ZNF385B: variants seen among roughly 807,000 people sequenced by gnomAD.
ZNF385B encodes the protein zinc finger protein 533.
Under a neutral mutation model 39.2 loss-of-function variants are expected in ZNF385B, and 23 were observed. That is an observed-to-expected ratio of 0.59 (90% CI 0.42 to 0.83). The LOEUF (loss-of-function observed/expected upper bound fraction) is 0.83, where lower values mean the gene tolerates loss of function less well. Among genes scored for constraint, ZNF385B ranks in the 40% least tolerant of loss-of-function variants. ZNF385B has a pLI of 0.00. For synonymous variants in ZNF385B, 205 were observed against 222.6 expected (o/e 0.92, Z 0.70); for missense variants, 552 against 598.9 (o/e 0.92, Z 0.82).
chr2:179,683,807 A>G (rs1697719690), intron 3 of ZNF385B, among the ~76,000 whole-genome samples: 1 of 152,090 alleles, frequency 6.6e-6, no homozygotes, highest in South Asian at 2.1e-4. Flanking sequence ...AAACTGCATT[A>G]CTGTTACCAT....
At chr2:179,769,934 A>C in intron 2 of ZNF385B, 132 bp from the exon 3 acceptor site, 1 of 788,340 alleles carries the variant, frequency 1.3e-6, no homozygotes, top group South Asian at 1.9e-5. Flanking sequence ...TACTAGAAAA[A>C]AAATCATCAA....
chr2:179,564,594 C>T (rs187543317), intron 3 of ZNF385B, among the ~76,000 whole-genome samples: 140 of 152,228 alleles, frequency 9.2e-4, no homozygotes, highest in Non-Finnish European at 1.4e-3. Flanking sequence ...GTAGCCTACC[C>T]TTCCTTTATT....
At chr2:179,731,476 A>G (rs2106428944) in intron 3 of ZNF385B, among the ~76,000 whole-genome samples, 1 of 151,936 alleles carries the variant, frequency 6.6e-6, no homozygotes, top group South Asian at 2.1e-4. Flanking sequence ...TCTTTCAAAA[A>G]CTCTCCAGCA....
intron 1 of ZNF385B, among the ~76,000 whole-genome samples, chr2:179,801,394 C>CCCTGTACATCTCCTGTACTT (rs1395780835): frequency 1.3e-5 from 2 of 152,048 alleles, no homozygotes; most frequent in African/African-American, 4.8e-5. Context: ...TAGATGTACT[C>CCCTGTACATCTCCTGTACTT]CCTGTACATC....
At chr2:179,688,767 G>T (rs12693203) in intron 3 of ZNF385B, among the ~76,000 whole-genome samples, 55,832 of 151,906 alleles carry the variant, frequency 0.37, 10,752 homozygotes, top group African/African-American at 0.49. Flanking sequence ...TCTCTTGAAT[G>T]TACTCCTCCT....
At chr2:179,673,655 A>G (rs1696352718) in intron 3 of ZNF385B, among the ~76,000 whole-genome samples, 1 of 152,138 alleles carries the variant, frequency 6.6e-6, no homozygotes, top group African/African-American at 2.4e-5. Flanking sequence ...CCTCTTCTCC[A>G]GCCCCTTTGG....
chr2:179,837,073 A>G (rs180776256), intron 1 of ZNF385B, among the ~76,000 whole-genome samples: 1 of 152,280 alleles, frequency 6.6e-6, no homozygotes, highest in East Asian at 1.9e-4. Context: ...AATGAGAGCT[A>G]ATTAAAGGGT....
chr2:179,662,247 C>T (rs970536119), intron 3 of ZNF385B, among the ~76,000 whole-genome samples: 5 of 151,988 alleles, frequency 3.3e-5, no homozygotes, highest in African/African-American at 7.3e-5. Context: ...TAACTGAAGG[C>T]AGAAGAAATT....
At chr2:179,570,705 G>A (rs1230472119) in intron 3 of ZNF385B, among the ~76,000 whole-genome samples, 1 of 152,056 alleles carries the variant, frequency 6.6e-6, no homozygotes, top group Non-Finnish European at 1.5e-5. Context: ...ATTTTTATTG[G>A]TTTTCTCTTT....
intron 1 of ZNF385B, among the ~76,000 whole-genome samples, chr2:179,857,094 A>T (rs1684664604): frequency 6.6e-6 from 1 of 152,142 alleles, no homozygotes; most frequent in Non-Finnish European, 1.5e-5. Flanking sequence ...TTTTAATAAG[A>T]TTTTCTTAAT....
At chr2:179,610,569 T>C (rs1439868449) in intron 3 of ZNF385B, among the ~76,000 whole-genome samples, 2 of 152,160 alleles carry the variant, frequency 1.3e-5, no homozygotes, top group Admixed American at 1.3e-4. Context: ...AATTTTAGGA[T>C]AGTTTTTCTA....
At chr2:179,671,770 AG>A (rs966929293) in intron 3 of ZNF385B, among the ~76,000 whole-genome samples, 6 of 152,284 alleles carry the variant, frequency 3.9e-5, no homozygotes, top group East Asian at 1.9e-4. Context: ...CAGCTGCCCC[AG>A]ATGTAGCATG....
rs894846665 is a variant in ZNF385B, at chr2:179,765,046, T to C, written c.298+4457A>G. Among the ~76,000 whole-genome samples the C allele has an allele frequency of 6.6e-5, 10 of 151,588 alleles. No homozygotes were observed. The East Asian group carries it at 9.6e-4, about 15-fold the overall frequency. ...CTTATGCTGGAATAACACCATTGGC[T>C]GTCCTGGGTCTTCAGATTTCCTACA... is the stretch of plus-strand genomic sequence containing the variant. On this transcript the variant is annotated intron_variant, in intron 3 of 9. Transcript: ENST00000410066.
chr2:179,714,389 C>T (rs750596851), intron 3 of ZNF385B, among the ~76,000 whole-genome samples: 4 of 152,046 alleles, frequency 2.6e-5, no homozygotes, highest in Non-Finnish European at 4.4e-5. Flanking sequence ...GAAGAATATC[C>T]AATAAGTAGG....
At chr2:179,695,413 G>A (rs1259807869) in intron 3 of ZNF385B, among the ~76,000 whole-genome samples, 1 of 151,752 alleles carries the variant, frequency 6.6e-6, no homozygotes, top group Non-Finnish European at 1.5e-5. Context: ...CTCACAGAAT[G>A]GGAAAAAATA....
intron 6 of ZNF385B, among the ~76,000 whole-genome samples, chr2:179,452,774 A>G (rs1226620922): frequency 1.3e-5 from 2 of 152,150 alleles, no homozygotes; most frequent in African/African-American, 4.8e-5. Context: ...TCATGATTCT[A>G]TCATCTAGAA....
chr2:179,493,682 TATAC>T (rs1559336537), intron 5 of ZNF385B, among the ~76,000 whole-genome samples: 35 of 85,382 alleles, frequency 4.1e-4, no homozygotes, highest in African/African-American at 1.4e-3. Flanking sequence ...TGCATATACA[TATAC>T]ACATATATAC....
Position 179,861,382 on chromosome 2 carries a change from C to G in ZNF385B, c.-436G>C, listed in dbSNP as rs1322253969. 1 of 150,002 alleles carries G rather than the reference C, an allele frequency of 6.7e-6. No homozygotes were observed. Among genetic ancestry groups the G allele is most frequent in the African/African-American group, 2.4e-5 (1 of 41,130 alleles). 9.3% of individuals were successfully genotyped at this position (150,002 alleles called of 1,614,324 possible). A position where few individuals can be genotyped will look rare whatever the true frequency, so the allele number is the denominator to read the frequency against. ...CCGCTGCCCCCGCGCTGAGCGCCTG[C>G]GCACCGGGCCTCGCCCAGGTGAGGG... On this transcript the variant is annotated 5_prime_UTR_variant, in exon 1 of 10. Coordinates refer to ENST00000410066, the MANE Select transcript of ZNF385B (RefSeq NM_152520.6).
At chr2:179,780,441 CA>C in intron 1 of ZNF385B, among the ~76,000 whole-genome samples, 1 of 152,286 alleles carries the variant, frequency 6.6e-6, no homozygotes, top group Middle Eastern at 3.4e-3. Flanking sequence ...GAGCTAAGCC[CA>C]GCTCTCATTC....
Sources: gnomAD v4.1 joint callset for allele counts (sites outside exome capture counted in the v4.1 genomes callset) on GRCh38, gnomAD v4.1.1 for gene constraint, MANE v1.5 for transcripts, NCBI Gene and HGNC (gene_info 2026-07-23, HGNC 2026-07-21) for gene names.